DLGAP2: variants seen among roughly 807,000 people sequenced by gnomAD.
DLGAP2 encodes disks large-associated protein 2.
A neutral mutation model predicts 100.3 loss-of-function variants in DLGAP2; 26 were observed. The observed-to-expected ratio is 0.26, with a 90% CI of 0.19 to 0.36. The LOEUF (loss-of-function observed/expected upper bound fraction) is 0.36. Ranked by LOEUF, DLGAP2 falls within the 10% of genes least tolerant of loss-of-function variation. The pLI, the probability that DLGAP2 is intolerant of heterozygous loss-of-function variation, is 1.00. For missense variants in DLGAP2, 1,858 were observed against 1,453.2 expected (o/e 1.28, Z -4.53); for synonymous variants, 886 against 630.1 (o/e 1.41, Z -6.08).
At chr8:1,534,404 T>C (rs1801084108) in intron 4 of DLGAP2, among the ~76,000 whole-genome samples, 1 of 152,244 alleles carries the variant, frequency 6.6e-6, no homozygotes, top group Non-Finnish European at 1.5e-5. Context: ...AGATCTGTTT[T>C]AAAGCTACTT....
intron 1 of DLGAP2, among the ~76,000 whole-genome samples, chr8:819,534 C>T (rs1372816271): frequency 6.6e-6 from 1 of 152,072 alleles, no homozygotes; most frequent in Non-Finnish European, 1.5e-5. Flanking sequence ...TATTGGGAAT[C>T]AAGAGACTTA....
chr8:1,322,664 C>T (rs1783267199), intron 3 of DLGAP2, among the ~76,000 whole-genome samples: 1 of 152,248 alleles, frequency 6.6e-6, no homozygotes, highest in Non-Finnish European at 1.5e-5. Flanking sequence ...TGCATGCACC[C>T]ACCCATCGTG....
intron 1 of DLGAP2, among the ~76,000 whole-genome samples, chr8:889,509 C>T (rs922151612): frequency 5.9e-5 from 9 of 152,120 alleles, no homozygotes; most frequent in African/African-American, 1.9e-4. Flanking sequence ...GGAGTTCTTG[C>T]AGGGAAGCCA....
chr8:1,487,522 A>T (rs1212464256), intron 3 of DLGAP2, among the ~76,000 whole-genome samples: 6 of 152,260 alleles, frequency 3.9e-5, no homozygotes, highest in African/African-American at 1.4e-4. Context: ...GGACAACTGA[A>T]TGCAGGTTTA....
intron 2 of DLGAP2, among the ~76,000 whole-genome samples, chr8:1,188,550 G>A (rs180941235): frequency 3.4e-5 from 5 of 147,034 alleles, no homozygotes; most frequent in African/African-American, 1.3e-4. Context: ...AATCTCAGAC[G>A]CCCGGGATCT....
At chr8:1,418,859 G>A (rs1019575924) in intron 3 of DLGAP2, among the ~76,000 whole-genome samples, 21 of 152,324 alleles carry the variant, frequency 1.4e-4, no homozygotes, top group African/African-American at 4.8e-4. Flanking sequence ...TCTGGCTTCT[G>A]GCCCGCTGGC....
In DLGAP2 at chr8:1,702,032, G is replaced by A. The variant is rs1297659482; in HGVS notation, c.*626G>A. 1.3e-5 allele frequency: 2 copies of A among 152,120 alleles called. No homozygotes were observed. The highest frequency in any genetic ancestry group is 2.9e-5 in the Non-Finnish European group (2 of 68,064). The allele number at this position is 152,120 out of a possible 1,614,324, so 9.4% of individuals were successfully genotyped here. A position where few individuals can be genotyped will look rare whatever the true frequency, so the allele number is the denominator to read the frequency against. On this transcript the variant is annotated 3_prime_UTR_variant, in exon 15 of 15. Transcript: ENST00000637795. The stretch of plus-strand genomic sequence containing the variant: ...GACCTCTCCAACCACCACACTCCCC[G>A]CCGTACAGTTCTCCAGAATCCCAGG...
intron 1 of DLGAP2, among the ~76,000 whole-genome samples, chr8:790,634 T>A (rs555085136): frequency 1.3e-5 from 2 of 152,190 alleles, no homozygotes; most frequent in Non-Finnish European, 1.5e-5. Context: ...TAATAATATT[T>A]GGTCTATGCT....
chr8:1,097,069 C>T (rs1391546375), intron 2 of DLGAP2, among the ~76,000 whole-genome samples: 2 of 141,574 alleles, frequency 1.4e-5, no homozygotes, highest in Admixed American at 6.9e-5. Flanking sequence ...AGGTCCCCTC[C>T]AGTGTGAGAC....
At chr8:1,562,710 G>C (rs1226886553) in intron 5 of DLGAP2, among the ~76,000 whole-genome samples, 2 of 25,544 alleles carry the variant, frequency 7.8e-5, no homozygotes, top group Non-Finnish European at 1.4e-4. Context: ...GTGTGGTGTT[G>C]GGGTGTCCGC....
intron 2 of DLGAP2, among the ~76,000 whole-genome samples, chr8:1,184,976 C>T (rs76354950): frequency 6.6e-6 from 1 of 151,964 alleles, no homozygotes; most frequent in East Asian, 1.9e-4. Context: ...CTAGGGAGCT[C>T]AGACTTTAGA....
intron 2 of DLGAP2, among the ~76,000 whole-genome samples, chr8:1,189,830 GA>G (rs1797595572): frequency 1.3e-5 from 2 of 152,214 alleles, no homozygotes; most frequent in East Asian, 3.9e-4. Flanking sequence ...CTGAGGGCAA[GA>G]AGGGGCTGCT....
At chr8:1,131,559 G>A (rs983940130) in intron 2 of DLGAP2, among the ~76,000 whole-genome samples, 4 of 152,060 alleles carry the variant, frequency 2.6e-5, no homozygotes, top group South Asian at 2.1e-4. Flanking sequence ...TCCTCTTACC[G>A]TCCCACTGGA....
At chr8:1,129,849 G>A (rs753575824) in intron 2 of DLGAP2, among the ~76,000 whole-genome samples, 2 of 152,066 alleles carry the variant, frequency 1.3e-5, no homozygotes, top group East Asian at 1.9e-4. Context: ...GTCAGCAACC[G>A]TGGGCCTTGG....
At chr8:1,408,764 C>T (rs189178305) in intron 3 of DLGAP2, among the ~76,000 whole-genome samples, 5 of 152,166 alleles carry the variant, frequency 3.3e-5, no homozygotes, top group Non-Finnish European at 5.9e-5. Context: ...TTTGGGAACT[C>T]GTGGCAGCTC....
rs374471966 is a variant in DLGAP2 at position 1,263,951 on chromosome 8, C to T, written c.106+5068C>T. ...ACTAATATTTGAAGGAAAACAGACT[C>T]AGCTCTAGCCAGTCTGTCTTCTAGG... On this transcript the variant is annotated intron_variant, in intron 3 of 14. Coordinates refer to ENST00000637795, the MANE Select transcript of DLGAP2 (RefSeq NM_001346810.2). 2.0e-4 allele frequency among the ~76,000 whole-genome samples: 30 copies of T among 152,242 alleles called. No individual in the cohort carries two copies. The South Asian group carries it at 6.2e-3, about 32-fold the overall frequency.
chr8:980,159 C>G (rs1800287656), intron 2 of DLGAP2, among the ~76,000 whole-genome samples: 1 of 152,086 alleles, frequency 6.6e-6, no homozygotes, highest in Admixed American at 6.5e-5. Context: ...TCTCAGGAGA[C>G]AAATCTATAA....
intron 2 of DLGAP2, among the ~76,000 whole-genome samples, chr8:976,576 C>T (rs1800169799): frequency 6.6e-6 from 1 of 152,094 alleles, no homozygotes; most frequent in African/African-American, 2.4e-5. Context: ...TGCGCCACTG[C>T]TCTCCAGCCT....
At chr8:1,547,974 C>A (rs1417285347) in intron 4 of DLGAP2, among the ~76,000 whole-genome samples, 1 of 152,232 alleles carries the variant, frequency 6.6e-6, no homozygotes, top group African/African-American at 2.4e-5. Context: ...TTTAAAACTT[C>A]TTAAGCTGTA....
Sources: allele counts gnomAD v4.1 joint callset (sites outside exome capture counted in the v4.1 genomes callset), GRCh38; gene constraint gnomAD v4.1.1; transcripts MANE v1.5; gene names NCBI Gene and HGNC (gene_info 2026-07-23, HGNC 2026-07-21).